Variants in B4GALT5 observed in about 807,000 individuals in gnomAD.
The protein encoded by B4GALT5 is UDP-Gal:beta-GlcNAc beta-1,4-galactosyltransferase 5.
Under a neutral mutation model 45.0 loss-of-function variants are expected in B4GALT5, and 11 were observed. That is an observed-to-expected ratio of 0.24 (90% CI 0.15 to 0.40). B4GALT5 has a LOEUF of 0.40. Among genes scored for constraint, B4GALT5 ranks in the 10% least tolerant of loss-of-function variants. The probability of loss-of-function intolerance (pLI) is 1.00; values close to 1 mark genes in which losing one functional copy is unlikely to be tolerated. For synonymous variants in B4GALT5, 185 were observed against 182.9 expected, an observed-to-expected ratio of 1.01 and a Z score of -0.09; for missense variants, 337 against 500.2, an observed-to-expected ratio of 0.67 and a Z score of 3.11.
chr20:49,637,485 T>C lies in B4GALT5; in HGVS notation c.918-43A>G, dbSNP rs367713645. The C allele has an allele frequency of 1.6e-4, 233 of 1,470,758 alleles. 1 individual carries two copies. The highest frequency in any genetic ancestry group is 1.4e-4 in the Non-Finnish European group (150 of 1,049,668). 91.1% of individuals were successfully genotyped at this position (1,470,758 alleles called of 1,614,324 possible). A position where few individuals can be genotyped will look rare whatever the true frequency, so the allele number is the denominator to read the frequency against. On this transcript the variant is annotated intron_variant, in intron 7 of 8. Transcript: ENST00000371711. ...AACAGGCTTTTAGATACAACGGTAATAGCCCAGGAGTGACCAAAGCCTACA... is the reference window on the plus strand; with the variant it reads ...AACAGGCTTTTAGATACAACGGTAACAGCCCAGGAGTGACCAAAGCCTACA...
chr20:49,655,585 TA>T (rs953770844), intron 2 of B4GALT5, among the ~76,000 whole-genome samples: 22 of 152,278 alleles, frequency 1.4e-4, no homozygotes, highest in African/African-American at 5.1e-4. Context: ...GAGTCCCACT[TA>T]ATCATGTGGA....
intron 6 of B4GALT5, 55 bp from the exon 7 acceptor site, chr20:49,639,855 C>T: frequency 6.3e-7 from 1 of 1,593,782 alleles, no homozygotes; most frequent in Non-Finnish European, 8.6e-7. Flanking sequence ...AACTGTTTTC[C>T]CTAGAAGGTT....
At position 49,653,956 on chromosome 20, in the gene B4GALT5, C is replaced by T. The variant is rs564897127; in HGVS notation, c.250+2612G>A. On this transcript the variant is annotated intron_variant, in intron 2 of 8. Transcript: ENST00000371711. ...GTAGCGCAATCCTGTGTTGCCAGAC[C>T]GGCAGTGGTGTGGAAATGGGGTCCT... Among the ~76,000 whole-genome samples the T allele has an allele frequency of 1.6e-4, 25 of 152,270 alleles. 1 individual carries two copies. In the South Asian group the frequency reaches 3.7e-3, roughly 23 times the overall value.
chr20:49,669,694 C>A (rs1401834057), intron 1 of B4GALT5, among the ~76,000 whole-genome samples: 1 of 137,504 alleles, frequency 7.3e-6, no homozygotes, highest in Non-Finnish European at 1.6e-5. Flanking sequence ...GAAACTCCAC[C>A]TCAAAAAAAA....
intron 1 of B4GALT5, among the ~76,000 whole-genome samples, chr20:49,683,776 C>G (rs1312285076): frequency 6.6e-6 from 1 of 152,032 alleles, no homozygotes; most frequent in Admixed American, 6.6e-5. Flanking sequence ...GTTTCCTCAT[C>G]CATAAAACGG....
intron 1 of B4GALT5, among the ~76,000 whole-genome samples, chr20:49,690,450 G>A (rs989990926): frequency 1.2e-4 from 18 of 151,932 alleles, no homozygotes; most frequent in African/African-American, 3.9e-4. Flanking sequence ...TCGGGAGGCT[G>A]AGGCAGGAGA....
At chr20:49,690,783 T>C (rs1177121851) in intron 1 of B4GALT5, among the ~76,000 whole-genome samples, 2 of 152,224 alleles carry the variant, frequency 1.3e-5, no homozygotes, top group Non-Finnish European at 2.9e-5. Flanking sequence ...GTATTCTTGT[T>C]TCCTAAAATT....
intron 1 of B4GALT5, among the ~76,000 whole-genome samples, chr20:49,673,618 T>G (rs1439903133): frequency 6.6e-6 from 1 of 152,190 alleles, no homozygotes; most frequent in Non-Finnish European, 1.5e-5. Flanking sequence ...GACTGGATAT[T>G]AGAAAGTATT....
chr20:49,702,213 T>TA lies in B4GALT5; in HGVS notation c.115+11362dup, dbSNP rs2085864953. Reference sequence around the variant, plus strand: ...TAAATAAATGAATAAAGACAGAGAATAATAAAGAAAGAAAACAGCTTCAAA... The same window carrying TA: ...TAAATAAATGAATAAAGACAGAGAATAAATAAAGAAAGAAAACAGCTTCAAA... On this transcript the variant is annotated intron_variant, in intron 1 of 8. Coordinates refer to ENST00000371711, the MANE Select transcript of B4GALT5 (RefSeq NM_004776.4). 5.3e-5 allele frequency among the ~76,000 whole-genome samples: 8 copies of TA among 152,022 alleles called. No homozygotes were observed. The South Asian group carries it at 1.7e-3, about 32-fold the overall frequency.
intron 1 of B4GALT5, among the ~76,000 whole-genome samples, chr20:49,676,370 C>T (rs910967793): frequency 2.6e-5 from 4 of 152,242 alleles, no homozygotes; most frequent in Non-Finnish European, 5.9e-5. Context: ...GCGGTTAGAA[C>T]ACAACACACT....
intron 1 of B4GALT5, among the ~76,000 whole-genome samples, chr20:49,664,799 T>C (rs1407213287): frequency 6.6e-6 from 1 of 152,200 alleles, no homozygotes; most frequent in Non-Finnish European, 1.5e-5. Context: ...AACTTTACTT[T>C]CAAATGCTTC....
chr20:49,665,261 A>G (rs1286061054), intron 1 of B4GALT5, among the ~76,000 whole-genome samples: 10 of 151,640 alleles, frequency 6.6e-5, no homozygotes, highest in Non-Finnish European at 1.2e-4. Context: ...CTCTACAAAA[A>G]AATTTAAAAA....
intron 1 of B4GALT5, among the ~76,000 whole-genome samples, chr20:49,707,157 A>G (rs900280908): frequency 6.6e-6 from 1 of 152,150 alleles, no homozygotes; most frequent in African/African-American, 2.4e-5. Context: ...CTTTCTTTCT[A>G]CTAAAGAAAA....
chr20:49,711,304 C>T (rs1457917098), intron 1 of B4GALT5, among the ~76,000 whole-genome samples: 2 of 152,172 alleles, frequency 1.3e-5, no homozygotes, highest in Non-Finnish European at 2.9e-5. Flanking sequence ...TAGCACATCG[C>T]TTTACACAGG....
At chr20:49,667,096 A>G (rs17723576) in intron 1 of B4GALT5, among the ~76,000 whole-genome samples, 11,745 of 152,258 alleles carry the variant, frequency 0.077, 625 homozygotes, top group Non-Finnish European at 0.11. Flanking sequence ...AAGATTTCAC[A>G]GCAGGCTTTG....
intron 1 of B4GALT5, among the ~76,000 whole-genome samples, chr20:49,678,535 T>A (rs896751562): frequency 3.9e-5 from 6 of 152,148 alleles, no homozygotes; most frequent in Non-Finnish European, 7.3e-5. Flanking sequence ...ACAAGCCTCA[T>A]AATTATCTGG....
intron 3 of B4GALT5, among the ~76,000 whole-genome samples, chr20:49,643,948 T>TTTTTTA (rs2085588097): frequency 1.2e-5 from 1 of 81,724 alleles, no homozygotes; most frequent in East Asian, 3.8e-4. Context: ...TTTTTTTTTT[T>TTTTTTA]GAGACAGTCT....
At chr20:49,703,642 A>C (rs2085871833) in intron 1 of B4GALT5, among the ~76,000 whole-genome samples, 1 of 151,892 alleles carries the variant, frequency 6.6e-6, no homozygotes, top group Non-Finnish European at 1.5e-5. Flanking sequence ...TAATCCCAGC[A>C]CTTTAGGAGC....
chr20:49,713,697 G>C lies in B4GALT5; in HGVS notation c.-7C>G. ...GCCCCCGGCGGGCGCGCATGCTGCA[G>C]CCAGGCGGCCGCTAGAGAGCCAGGC... On this transcript the variant is annotated 5_prime_UTR_variant, in exon 1 of 9. Coordinates refer to ENST00000371711, the MANE Select transcript of B4GALT5 (RefSeq NM_004776.4). 7.2e-7 allele frequency: 1 copy of C among 1,381,318 alleles called. No individual in the cohort carries two copies. The highest frequency in any genetic ancestry group is 9.7e-7 in the Non-Finnish European group (1 of 1,032,554). 85.6% of individuals were successfully genotyped at this position (1,381,318 alleles called of 1,614,324 possible). A position where few individuals can be genotyped will look rare whatever the true frequency, so the allele number is the denominator to read the frequency against.
Sources: gnomAD v4.1 joint callset for allele counts (sites outside exome capture counted in the v4.1 genomes callset) on GRCh38, gnomAD v4.1.1 for gene constraint, MANE v1.5 for transcripts, NCBI Gene and HGNC (gene_info 2026-07-23, HGNC 2026-07-21) for gene names.